Variants in LARP4B observed in about 807,000 individuals in gnomAD.
LARP4B encodes La ribonucleoprotein 4B.
LARP4B carries 12 observed loss-of-function variants against 89.8 expected under a neutral mutation model. The ratio of observed to expected loss-of-function variants is 0.13; its 90% CI spans 0.09 to 0.22. The LOEUF (loss-of-function observed/expected upper bound fraction) is 0.22. Among genes scored for constraint, LARP4B ranks in the 10% least tolerant of loss-of-function variants. LARP4B has a pLI of 1.00. For synonymous variants in LARP4B, 367 were observed against 363.3 expected (o/e 1.01, Z -0.12); for missense variants, 757 against 947.7 (o/e 0.80, Z 2.64).
chr10:957,787 A>G, the LARP4B span, among the ~76,000 whole-genome samples: 1 of 145,964 alleles, frequency 6.9e-6, no homozygotes, highest in African/African-American at 2.5e-5. Context: ...ACCCTTTTCA[A>G]TTCATTTTCT....
chr10:931,657 A>T lies in LARP4B; in HGVS notation c.-269T>A, dbSNP rs1424083373. Reference sequence around the variant, plus strand: ...GGCCCGAAAATGTCTCAACCCCGGGACTCCAGATCCCCAACGCTCCTTCCC... The same window carrying T: ...GGCCCGAAAATGTCTCAACCCCGGGTCTCCAGATCCCCAACGCTCCTTCCC... On this transcript the variant is annotated 5_prime_UTR_variant, in exon 1 of 18. Coordinates refer to ENST00000316157, the MANE Select transcript of LARP4B (RefSeq NM_015155.3). 1 of 152,244 alleles carries T rather than the reference A, an allele frequency of 6.6e-6. No individual in the cohort carries two copies. The allele number at this position is 152,244 out of a possible 1,614,324, so 9.4% of individuals were successfully genotyped here.
intron 5 of LARP4B, among the ~76,000 whole-genome samples, chr10:853,864 C>T (rs75838767): frequency 0.019 from 2,942 of 152,244 alleles, 97 homozygotes; most frequent in African/African-American, 0.067. Flanking sequence ...AAGTATATCA[C>T]GTGGACGGAC....
rs1831746238 is a variant in LARP4B, at chr10:811,616, AT to A, written c.*1309del. On this transcript the variant is annotated 3_prime_UTR_variant, in exon 18 of 18. Transcript: ENST00000316157. ...CTTATACAAAAGTTAAGGCAAAGTC[AT>A]TTTCAAGTTTAAATAAAATTCAAGT... 1 of 152,608 alleles carries A rather than the reference AT, an allele frequency of 6.6e-6. No homozygotes were observed. The highest frequency in any genetic ancestry group is 2.1e-4 in the South Asian group (1 of 4,828). 9.5% of individuals were successfully genotyped at this position (152,608 alleles called of 1,614,324 possible).
Position 809,541 on chromosome 10 carries a change from A to C in LARP4B, c.*3385T>G, listed in dbSNP as rs1831664022. ...TAATTTAAAAAAAATCAAAAGAAAA[A>C]TTGAACAGTGCCTAAATCTTTATTT... On this transcript the variant is annotated 3_prime_UTR_variant, in exon 18 of 18. Transcript: ENST00000316157. 1 of 152,334 alleles carries C rather than the reference A, an allele frequency of 6.6e-6. No individual in the cohort carries two copies. The highest frequency in any genetic ancestry group is 6.5e-5 in the Admixed American group (1 of 15,292). The allele number at this position is 152,334 out of a possible 1,614,324, so 9.4% of individuals were successfully genotyped here. A position where few individuals can be genotyped will look rare whatever the true frequency, so the allele number is the denominator to read the frequency against.
chr10:937,687 A>G, the LARP4B span, among the ~76,000 whole-genome samples: 1 of 152,112 alleles, frequency 6.6e-6, no homozygotes, highest in Non-Finnish European at 1.5e-5. Context: ...AACTCGAAGG[A>G]CATTCTGCAA....
At chr10:869,036 A>G (rs980589054) in intron 3 of LARP4B, among the ~76,000 whole-genome samples, 6 of 152,206 alleles carry the variant, frequency 3.9e-5, no homozygotes, top group African/African-American at 1.4e-4. Flanking sequence ...ATTTCTGGAA[A>G]GATGCTCAAA....
At chr10:919,004 C>A (rs1446985958) in intron 1 of LARP4B, among the ~76,000 whole-genome samples, 1 of 152,082 alleles carries the variant, frequency 6.6e-6, no homozygotes, top group Non-Finnish European at 1.5e-5. Flanking sequence ...TGGCGTGAAC[C>A]CGAGAGGCGG....
chr10:932,020 C>T (rs1342546774), upstream of LARP4B, among the ~76,000 whole-genome samples: 3 of 148,720 alleles, frequency 2.0e-5, no homozygotes, highest in African/African-American at 7.3e-5. Context: ...GCGACCGGAG[C>T]GCCTGACGCT....
chr10:909,097 A>T (rs1420920249), intron 1 of LARP4B, among the ~76,000 whole-genome samples: 1 of 152,026 alleles, frequency 6.6e-6, no homozygotes, highest in Admixed American at 6.6e-5. Context: ...GATCAAGATC[A>T]TCCTGGCTAA....
At chr10:909,996 G>A (rs1221544439) in intron 1 of LARP4B, among the ~76,000 whole-genome samples, 1 of 152,134 alleles carries the variant, frequency 6.6e-6, no homozygotes, top group East Asian at 1.9e-4. Flanking sequence ...TGAGCTATGT[G>A]AGGTATGCAG....
intron 1 of LARP4B, among the ~76,000 whole-genome samples, chr10:902,436 CACAAAGGGAAAA>C (rs1836369758): frequency 6.6e-6 from 1 of 152,136 alleles, no homozygotes; most frequent in African/African-American, 2.4e-5. Flanking sequence ...CACACACTTT[CACAAAGGGAAAA>C]GCAAATGGAA....
the LARP4B span, among the ~76,000 whole-genome samples, chr10:948,464 T>G: frequency 6.6e-6 from 1 of 152,162 alleles, no homozygotes; most frequent in South Asian, 2.1e-4. Context: ...GTCAGGCAGG[T>G]CTCGAACTCC....
chr10:967,749 TC>T, the LARP4B span, among the ~76,000 whole-genome samples: 1 of 152,068 alleles, frequency 6.6e-6, no homozygotes. Context: ...TCATTAAGCT[TC>T]CTCACCCAGC....
In LARP4B at chr10:907,583, G is replaced by A. The variant is rs116977404; in HGVS notation, c.-39-21823C>T. Among the ~76,000 whole-genome samples the A allele has an allele frequency of 6.2e-4, 94 of 152,294 alleles. No individual in the cohort carries two copies. The East Asian group carries it at 0.018, about 29-fold the overall frequency. Reference sequence around the variant, plus strand: ...AAATCACTAAAGAAGTTCCGAAGTGGCAAACACATACTGAAACAATTATTT... The same window carrying A: ...AAATCACTAAAGAAGTTCCGAAGTGACAAACACATACTGAAACAATTATTT... On this transcript the variant is annotated intron_variant, in intron 1 of 17. Coordinates refer to ENST00000316157, the MANE Select transcript of LARP4B (RefSeq NM_015155.3).
Position 817,847 on chromosome 10 carries a change from G to T in LARP4B, c.1573C>A (p.Pro525Thr). 6.2e-7 allele frequency: 1 copy of T among 1,614,182 alleles called. No homozygotes were observed. The highest frequency in any genetic ancestry group is 1.1e-5 in the South Asian group (1 of 91,080). The change falls in exon 15 of 18, where the codon CCA (proline) becomes ACA (threonine). Residue 525 changes from proline (P) to threonine (T), a missense_variant. Pro to Thr is a conservative substitution (Grantham distance 38). Coordinates refer to ENST00000316157, the MANE Select transcript of LARP4B (RefSeq NM_015155.3). Reference sequence around the variant, plus strand: ...CTGGACAGCCCCAGCTCGAAGCTTGGCGACGGAGGCTTTGGTGGCGTTGGA... The same window carrying T: ...CTGGACAGCCCCAGCTCGAAGCTTGTCGACGGAGGCTTTGGTGGCGTTGGA... ...QSPTPPKPPS[P>T]SFELGLSSFP...
At chr10:879,602 A>G (rs1835590970) in intron 3 of LARP4B, among the ~76,000 whole-genome samples, 2 of 152,060 alleles carry the variant, frequency 1.3e-5, no homozygotes, top group South Asian at 4.1e-4. Context: ...GGCTCAAGCA[A>G]TCCTCCCCCA....
Position 825,094 on chromosome 10 carries a change from G to A in LARP4B, c.1455C>T (p.Leu485=), listed in dbSNP as rs774724850. ...CCCTCCCTAAACCAGGAGAGGATTC[G>A]AGACTGCCTGGCTCCACACGCCCAG... ...AGPGRVEPGS[L]ESSPGLGRGR... is the part of the protein sequence containing the mutation. Residue 485 remains leucine, a synonymous_variant, in exon 13 of 18, where the codon CTC becomes CTT. Coordinates refer to ENST00000316157, the MANE Select transcript of LARP4B (RefSeq NM_015155.3). The A allele has an allele frequency of 5.0e-6, 8 of 1,614,050 alleles. No homozygotes were observed. The African/African-American group carries it at 5.3e-5, about 11-fold the overall frequency.
chr10:931,905 C>A (rs1474901057), upstream of LARP4B, among the ~76,000 whole-genome samples: 1 of 150,636 alleles, frequency 6.6e-6, no homozygotes, highest in South Asian at 2.1e-4. Context: ...GCGCGTACAC[C>A]CTGCTCGCGG....
At chr10:968,394 C>A in the LARP4B span, among the ~76,000 whole-genome samples, 1 of 152,208 alleles carries the variant, frequency 6.6e-6, no homozygotes, top group Non-Finnish European at 1.5e-5. Flanking sequence ...TTCTACTTAG[C>A]AACCCTTTAT....
Sources: gnomAD v4.1 joint callset for allele counts (sites outside exome capture counted in the v4.1 genomes callset) on GRCh38, gnomAD v4.1.1 for gene constraint, MANE v1.5 for transcripts, NCBI Gene and HGNC (gene_info 2026-07-23, HGNC 2026-07-21) for gene names.